Variants in SOS2 observed in about 807,000 individuals in gnomAD.
SOS2 encodes son of sevenless homolog 2.
A neutral mutation model predicts 148.2 loss-of-function variants in SOS2; 65 were observed. The ratio of observed to expected loss-of-function variants is 0.44; its 90% CI spans 0.36 to 0.54. SOS2 has a LOEUF of 0.54. SOS2 is among the 20% of genes least tolerant of loss of function. The pLI is 0.00. For missense variants in SOS2, 1,341 were observed against 1,590.2 expected, an observed-to-expected ratio of 0.84 and a Z score of 2.67; for synonymous variants, 539 against 537.1, an observed-to-expected ratio of 1.00 and a Z score of -0.05.
intron 5 of SOS2, among the ~76,000 whole-genome samples, chr14:50,186,827 T>C (rs535627215): frequency 1.3e-5 from 2 of 152,308 alleles, no homozygotes; most frequent in East Asian, 1.9e-4. Flanking sequence ...AGAAAAAAAG[T>C]AATTGCCAAC....
At position 50,174,549 on chromosome 14, in the gene SOS2, T is replaced by G; in HGVS notation, c.973A>C (p.Ile325Leu). Residue 325 changes from isoleucine to leucine, a missense_variant, in exon 8 of 23, where the codon ATT (isoleucine) becomes CTT (leucine). Transcript: ENST00000216373. The stretch of plus-strand genomic sequence containing the variant: ...ACTGCCTCTTTAAAACCATCAGCAA[T>G]GGACTGCAAAGCAAAAAGATATCAC... ...RPAVALHFQS[I>L]ADGFKEAVRY... 1 of 1,600,954 alleles carries G rather than the reference T, an allele frequency of 6.2e-7. No individual in the cohort carries two copies. Among genetic ancestry groups the G allele is most frequent in the Non-Finnish European group, 8.5e-7 (1 of 1,170,088 alleles).
chr14:50,121,114 T>C (rs1393034713), intron 21 of SOS2, among the ~76,000 whole-genome samples: 2 of 152,140 alleles, frequency 1.3e-5, no homozygotes, highest in African/African-American at 4.8e-5. Flanking sequence ...TAGGAACCCA[T>C]AAGGTAGTGT....
intron 4 of SOS2, among the ~76,000 whole-genome samples, chr14:50,191,429 A>G (rs1886134884): frequency 6.6e-6 from 1 of 152,122 alleles, no homozygotes; most frequent in South Asian, 2.1e-4. Context: ...ATATTGTACC[A>G]CCACATTCTA....
At chr14:50,119,391 C>T (rs1341610170) in intron 22 of SOS2, among the ~76,000 whole-genome samples, 2 of 152,178 alleles carry the variant, frequency 1.3e-5, no homozygotes, top group Non-Finnish European at 2.9e-5. Context: ...TTTTACCAAG[C>T]CTTTCAGGTA....
rs1416275021 is a variant in SOS2 at position 50,140,055 on chromosome 14, A to T, written c.2672T>A (p.Leu891Gln). 17 of 1,412,730 alleles carry T rather than the reference A, an allele frequency of 1.2e-5. No individual in the cohort carries two copies. The highest frequency in any genetic ancestry group is 1.7e-5 in the Non-Finnish European group (17 of 1,002,334). The allele number at this position is 1,412,730 out of a possible 1,614,324, so 87.5% of individuals were successfully genotyped here. ...CAAAATTTTCCTTTTCCTTTCCTGC[A>T]GTGCCTTAAAGTATACATAAATTGA... ...VYRLDHTFEA[L>Q]QERKRKILDE... Residue 891 changes from leucine to glutamine, a missense_variant, in exon 17 of 23, where the codon CTG becomes CAG. Leu to Gln is a moderately radical substitution (Grantham distance 113). This residue lies in a region of SOS2 where 408 missense variants were observed against 506.6 expected (regional missense o/e 0.81). Coordinates refer to ENST00000216373, the MANE Select transcript of SOS2 (RefSeq NM_006939.4).
intron 5 of SOS2, among the ~76,000 whole-genome samples, chr14:50,188,112 C>T (rs1885981252): frequency 6.6e-6 from 1 of 152,064 alleles, no homozygotes; most frequent in Non-Finnish European, 1.5e-5. Context: ...TTTAAAGTTA[C>T]TATTTATGGG....
intron 1 of SOS2, among the ~76,000 whole-genome samples, chr14:50,222,830 AG>A (rs1227951004): frequency 7.2e-5 from 11 of 152,302 alleles, no homozygotes; most frequent in African/African-American, 2.6e-4. Context: ...TTTTATTCTG[AG>A]AAGCACTGAG....
At chr14:50,219,337 C>T (rs1566485631) in intron 1 of SOS2, among the ~76,000 whole-genome samples, 1 of 152,010 alleles carries the variant, frequency 6.6e-6, no homozygotes, top group Non-Finnish European at 1.5e-5. Flanking sequence ...GAATACACTA[C>T]TGAGCAATAA....
intron 4 of SOS2, among the ~76,000 whole-genome samples, chr14:50,193,354 A>G (rs1029735205): frequency 6.6e-6 from 1 of 151,840 alleles, no homozygotes. Flanking sequence ...TACCTTTCCT[A>G]AACATCAATT....
intron 4 of SOS2, among the ~76,000 whole-genome samples, chr14:50,197,947 C>T (rs563263204): frequency 6.6e-6 from 1 of 151,716 alleles, no homozygotes; most frequent in East Asian, 1.9e-4. Flanking sequence ...GCCTCAGCCT[C>T]CCAAAGTGCT....
intron 14 of SOS2, among the ~76,000 whole-genome samples, chr14:50,149,368 G>T (rs1884590888): frequency 6.6e-6 from 1 of 152,090 alleles, no homozygotes; most frequent in Admixed American, 6.6e-5. Context: ...GAGCCCGGAG[G>T]ACCTTATGTT....
At position 50,160,010 on chromosome 14, in the gene SOS2, T is replaced by C. The variant is rs372203654; in HGVS notation, c.1273A>G (p.Lys425Glu). Reference protein sequence around the residue: ...LAIKKMNEIQKNIDGWEGKDI... With the variant: ...LAIKKMNEIQENIDGWEGKDI... Reference sequence around the variant, plus strand: ...TTGCCTTCCCATCCATCGATATTTTTCTGAATTTCATTCATTTTTTTGATA... The same window carrying C: ...TTGCCTTCCCATCCATCGATATTTTCCTGAATTTCATTCATTTTTTTGATA... Residue 425 changes from lysine to glutamate, a missense_variant, in exon 10 of 23, where the codon AAA (lysine) becomes GAA (glutamate). Lys to Glu is a moderately conservative substitution (Grantham distance 56). Coordinates refer to ENST00000216373, the MANE Select transcript of SOS2 (RefSeq NM_006939.4). The C allele has an allele frequency of 6.2e-7, 1 of 1,614,000 alleles. No homozygotes were observed. The highest frequency in any genetic ancestry group is 8.5e-7 in the Non-Finnish European group (1 of 1,179,988).
chr14:50,218,646 G>C (rs73291659), intron 1 of SOS2, among the ~76,000 whole-genome samples: 40,749 of 151,954 alleles, frequency 0.27, 6,107 homozygotes, highest in East Asian at 0.45. Flanking sequence ...GAAAGATGTT[G>C]AACATCATTA....
chr14:50,186,988 A>C (rs1418497154), intron 5 of SOS2, among the ~76,000 whole-genome samples: 2 of 152,178 alleles, frequency 1.3e-5, no homozygotes, highest in African/African-American at 4.8e-5. Context: ...GGAAGTTAGG[A>C]GGTACAAGAT....
At chr14:50,178,024 G>C (rs1382177516) in intron 7 of SOS2, among the ~76,000 whole-genome samples, 11 of 152,136 alleles carry the variant, frequency 7.2e-5, no homozygotes, top group Admixed American at 3.3e-4. Flanking sequence ...AACAGGGGCT[G>C]ATAACAGAAG....
intron 5 of SOS2, among the ~76,000 whole-genome samples, 181 bp downstream of exon 5, chr14:50,188,316 T>A (rs369022287): frequency 3.9e-5 from 6 of 152,190 alleles, no homozygotes; most frequent in African/African-American, 1.4e-4. Flanking sequence ...GAGGCAGGAA[T>A]TGCTTGAACC....
intron 1 of SOS2, among the ~76,000 whole-genome samples, chr14:50,230,622 T>C (rs576586603): frequency 9.8e-5 from 15 of 152,296 alleles, no homozygotes; most frequent in Middle Eastern, 3.4e-3. Flanking sequence ...GGGTAATCTC[T>C]TGTAAACAGG....
intron 1 of SOS2, among the ~76,000 whole-genome samples, chr14:50,217,869 T>G (rs1269269680): frequency 6.6e-6 from 1 of 152,008 alleles, no homozygotes; most frequent in Non-Finnish European, 1.5e-5. Flanking sequence ...GGCAGGAGAA[T>G]GGTGTGAACC....
At chr14:50,152,988 G>C in intron 13 of SOS2, 82 bp downstream of exon 13, 1 of 662,480 alleles carries the variant, frequency 1.5e-6, no homozygotes. Context: ...AGAGAGAAAT[G>C]TTTTAGTTTC....
Sources: allele counts gnomAD v4.1 joint callset (sites outside exome capture counted in the v4.1 genomes callset), GRCh38; gene constraint gnomAD v4.1.1; regional missense constraint gnomAD v4.1.1; transcripts MANE v1.5; gene names NCBI Gene and HGNC (gene_info 2026-07-23, HGNC 2026-07-21).